Variants in CD109 observed in about 807,000 individuals in gnomAD.
CD109 encodes the protein CD109 molecule.
In CD109, 149 loss-of-function variants were observed where a neutral mutation model predicts 165.8. The observed-to-expected ratio is 0.90, with a 90% CI of 0.79 to 1.03. The LOEUF (loss-of-function observed/expected upper bound fraction) is 1.03, where lower values mean the gene tolerates loss of function less well. CD109 is among the 50% of genes least tolerant of loss of function. The probability of loss-of-function intolerance (pLI) is 0.00; values close to 1 mark genes in which losing one functional copy is unlikely to be tolerated. For missense variants in CD109, 1,712 were observed against 1,677.8 expected (o/e 1.02, Z -0.36); for synonymous variants, 585 against 592.1 (o/e 0.99, Z 0.18).
intron 32 of CD109, among the ~76,000 whole-genome samples, chr6:73,821,238 C>T (rs1355871812): frequency 1.3e-5 from 2 of 152,128 alleles, no homozygotes; most frequent in African/African-American, 4.8e-5. Flanking sequence ...AGCACACCAA[C>T]ATGGCACATG....
chr6:73,730,750 G>A (rs1188594888), intron 4 of CD109, among the ~76,000 whole-genome samples, 176 bp downstream of exon 4: 1 of 152,134 alleles, frequency 6.6e-6, no homozygotes, highest in Non-Finnish European at 1.5e-5. Context: ...TGGGTTAAGA[G>A]CTCAGCCTCT....
intron 21 of CD109, among the ~76,000 whole-genome samples, chr6:73,787,683 C>A (rs954712186): frequency 1.3e-5 from 2 of 152,080 alleles, no homozygotes; most frequent in Non-Finnish European, 2.9e-5. Flanking sequence ...ACTAACGTCT[C>A]TTTTGCAGTC....
intron 23 of CD109, 100 bp from the exon 24 acceptor site, chr6:73,803,120 C>T (rs1775431457): frequency 5.2e-6 from 4 of 774,742 alleles, no homozygotes; most frequent in South Asian, 3.0e-5. Context: ...CTTCTTTCCC[C>T]CTCTCTGCCC....
chr6:73,765,893 C>T (rs369728800), intron 10 of CD109, 37 bp from the exon 11 acceptor site: 3 of 1,402,212 alleles, frequency 2.1e-6, no homozygotes, highest in Non-Finnish European at 3.0e-6. Flanking sequence ...GTACTTAAAT[C>T]CTTTGTGTTT....
rs200017709 is a variant in CD109 at position 73,696,226 on chromosome 6, C to G, written c.11C>G (p.Pro4Arg). ...GCAGACGCCGTCGAGATGCAGGGCC[C>G]ACCGCTCCTGACCGCCGCCCACCTC... MQG[P>R]PLLTAAHLLC... Residue 4 changes from proline (P) to arginine (R), a missense_variant, in exon 1 of 33, where the codon CCA becomes CGA. By Grantham distance (103) the Pro-to-Arg change is moderately radical. Transcript: ENST00000287097. 1,912 of 1,545,528 alleles carry G rather than the reference C, an allele frequency of 1.2e-3. 21 individuals carry two copies. The African/African-American group carries it at 0.023, about 19-fold the overall frequency.
Position 73,785,423 on chromosome 6 carries a change from T to C in CD109, c.2283T>C (p.Gly761=). ...FLNLPYSVIR[G]EEFALEITIF... Reference sequence around the variant, plus strand: ...ATCTTCCCTACTCTGTTATCAGAGGTGAAGAATTTGCTTTGGAAATAACTA... The same window carrying C: ...ATCTTCCCTACTCTGTTATCAGAGGCGAAGAATTTGCTTTGGAAATAACTA... Residue 761 remains glycine (G), a synonymous_variant, in exon 20 of 33, where the codon GGT becomes GGC. Coordinates refer to ENST00000287097, the MANE Select transcript of CD109 (RefSeq NM_133493.5). 1 of 1,608,206 alleles carries C rather than the reference T, an allele frequency of 6.2e-7. No homozygotes were observed. The highest frequency in any genetic ancestry group is 8.5e-7 in the Non-Finnish European group (1 of 1,177,454).
intron 5 of CD109, among the ~76,000 whole-genome samples, chr6:73,742,564 CT>C (rs1370921726): frequency 3.9e-5 from 6 of 152,258 alleles, no homozygotes; most frequent in African/African-American, 1.4e-4. Context: ...AGCTCCAGGT[CT>C]TTGCGTGACC....
intron 30 of CD109, among the ~76,000 whole-genome samples, chr6:73,815,864 A>G (rs529055809): frequency 4.5e-4 from 68 of 152,234 alleles, no homozygotes; most frequent in Non-Finnish European, 7.1e-4. Context: ...TCATGAATCT[A>G]TTCTCTTACA....
intron 15 of CD109, among the ~76,000 whole-genome samples, chr6:73,777,279 ATTT>A (rs111344958): frequency 1.1e-4 from 17 of 150,444 alleles, no homozygotes; most frequent in Non-Finnish European, 1.9e-4. Flanking sequence ...GCTTAAAAAA[ATTT>A]TTTTTTTCTT....
At chr6:73,815,274 T>A in intron 30 of CD109, 151 bp downstream of exon 30, 1 of 537,930 alleles carries the variant, frequency 1.9e-6, no homozygotes, top group South Asian at 3.6e-5. Flanking sequence ...CTAGAAATAC[T>A]ACTAATTATA....
At chr6:73,773,050 G>A (rs1774102153) in intron 15 of CD109, among the ~76,000 whole-genome samples, 1 of 149,950 alleles carries the variant, frequency 6.7e-6, no homozygotes, top group African/African-American at 2.4e-5. Flanking sequence ...TAAATATCTT[G>A]GTAAATATAT....
chr6:73,700,802 T>TG (rs1771042999), intron 2 of CD109, among the ~76,000 whole-genome samples: 1 of 128,470 alleles, frequency 7.8e-6, no homozygotes, highest in Non-Finnish European at 1.7e-5. Context: ...TTTTTTTTTT[T>TG]TTTTTTTTTT....
In CD109 at chr6:73,820,148, T is replaced by C. The variant is rs564383162; in HGVS notation, c.4060-313T>C. On this transcript the variant is annotated intron_variant, in intron 31 of 32. Coordinates refer to ENST00000287097, the MANE Select transcript of CD109 (RefSeq NM_133493.5). ...GCTGCTGTGAGCCATTAGTAGTAAC[T>C]GGGGGTGGGGTGCACCATCTGAGAC... 6.6e-5 allele frequency among the ~76,000 whole-genome samples: 10 copies of C among 152,254 alleles called. No homozygotes were observed. In the East Asian group the frequency reaches 1.7e-3, roughly 26 times the overall value.
intron 4 of CD109, among the ~76,000 whole-genome samples, chr6:73,735,122 C>T (rs1453208707): frequency 6.6e-6 from 1 of 152,042 alleles, no homozygotes; most frequent in East Asian, 1.9e-4. Flanking sequence ...CAAACAAATC[C>T]GTATGTTTGG....
chr6:73,812,271 G>C lies in CD109; in HGVS notation c.3768+1G>C. The C allele has an allele frequency of 6.3e-7, 1 of 1,591,826 alleles. No individual in the cohort carries two copies. Among genetic ancestry groups the C allele is most frequent in the Non-Finnish European group, 8.6e-7 (1 of 1,163,236 alleles). On this transcript the variant is annotated splice_donor_variant, in intron 29 of 32. Coordinates refer to ENST00000287097, the MANE Select transcript of CD109 (RefSeq NM_133493.5). LOFTEE classifies it high-confidence loss of function. ...TGGTTTTGGATTTGCTATTTGTCAG[G>C]TATGTAACGATGCTTATTTTTTTAA...
chr6:73,805,416 G>A (rs1227591046), intron 24 of CD109, among the ~76,000 whole-genome samples: 3 of 152,224 alleles, frequency 2.0e-5, no homozygotes, highest in Non-Finnish European at 2.9e-5. Flanking sequence ...CCCTAAGGCA[G>A]GTTTCCCCTA....
chr6:73,783,612 A>G, intron 18 of CD109, 95 bp from the exon 19 acceptor site: 1 of 751,036 alleles, frequency 1.3e-6, no homozygotes, highest in South Asian at 1.6e-5. Flanking sequence ...GGAAAAATTG[A>G]AATTCTTCCA....
the CD109 span, among the ~76,000 whole-genome samples, chr6:73,679,737 G>A: frequency 6.6e-6 from 1 of 151,956 alleles, no homozygotes; most frequent in Non-Finnish European, 1.5e-5. Context: ...CTGGGTTCAA[G>A]TGATTCTTGT....
At chr6:73,730,622 A>G (rs1313062430) in intron 4 of CD109, 48 bp downstream of exon 4, 15 of 1,246,700 alleles carry the variant, frequency 1.2e-5, no homozygotes, top group Non-Finnish European at 1.7e-5. Flanking sequence ...CATCTTACTA[A>G]ACCCCTCTGG....
Sources: gnomAD v4.1 joint callset for allele counts (sites outside exome capture counted in the v4.1 genomes callset) on GRCh38, gnomAD v4.1.1 for gene constraint, MANE v1.5 for transcripts, NCBI Gene and HGNC (gene_info 2026-07-23, HGNC 2026-07-21) for gene names.